The following DDHD1 variants were observed in gnomAD, a reference collection of about 807,000 sequenced individuals.
DDHD1 encodes DDHD domain containing 1.
DDHD1 carries 49 observed loss-of-function variants against 96.4 expected under a neutral mutation model. The ratio of observed to expected loss-of-function variants is 0.51; its 90% confidence interval spans 0.40 to 0.64. The LOEUF is 0.64. Among genes scored for constraint, DDHD1 ranks in the 30% least tolerant of loss-of-function variants. DDHD1 has a pLI of 0.00. For missense variants in DDHD1, 1,106 were observed against 1,161.2 expected (o/e 0.95, Z 0.69); for synonymous variants, 442 against 446.5 (o/e 0.99, Z 0.13).
At chr14:53,098,189 C>T (rs1887030167) in intron 2 of DDHD1, among the ~76,000 whole-genome samples, 2 of 151,854 alleles carry the variant, frequency 1.3e-5, no homozygotes, top group Admixed American at 6.6e-5. Flanking sequence ...AATTCTTACA[C>T]AGTATTAGCA....
intron 6 of DDHD1, among the ~76,000 whole-genome samples, chr14:53,067,320 G>A (rs1177189835): frequency 1.3e-5 from 2 of 151,764 alleles, no homozygotes; most frequent in African/African-American, 2.4e-5. Context: ...CACCATGCCT[G>A]GCTAATTTTT....
chr14:53,061,182 GTTC>G lies in DDHD1; in HGVS notation c.1783_1785del (p.Glu595del), dbSNP rs772636180. 1.7e-4 allele frequency: 276 copies of G among 1,610,940 alleles called. No homozygotes were observed. Among genetic ancestry groups the G allele is most frequent in the Non-Finnish European group, 2.2e-4 (265 of 1,179,124 alleles). On this transcript the variant is annotated inframe_deletion, in exon 8 of 13. Coordinates refer to ENST00000673822, the MANE Select transcript of DDHD1 (RefSeq NM_001160148.2). ...GATGATGCTTTCAATCCGTGAAGCC[GTTC>G]TTCTATTTCCTTCAGCCTAAGAAGG...
chr14:53,103,754 T>C lies in DDHD1; in HGVS notation c.941A>G (p.Asn314Ser), dbSNP rs148836546. ...CTGCATCTGCTGGCCCCTAAAACAA[T>C]TGAGATGTTCTTGCTCAATTAAATT... ...ESNLIEQEHL[N>S]CFRGQQMQEN... Residue 314 changes from asparagine (N) to serine (S), a missense_variant, in exon 2 of 13, where the codon AAT (asparagine) becomes AGT (serine). By Grantham distance (46) the Asn-to-Ser change is conservative. Coordinates refer to ENST00000673822, the MANE Select transcript of DDHD1 (RefSeq NM_001160148.2). 399 of 1,613,768 alleles carry C rather than the reference T, an allele frequency of 2.5e-4. No homozygotes were observed. In the African/African-American group the frequency reaches 2.7e-3, roughly 11 times the overall value.
chr14:53,052,848 G>A (rs1171127348), intron 11 of DDHD1: 1 of 151,762 alleles, frequency 6.6e-6, no homozygotes, highest in Middle Eastern at 3.2e-3. Context: ...GTGTAAGAAT[G>A]ACATAGTATG....
Position 53,073,776 on chromosome 14 carries a change from G to A in DDHD1, c.1361C>T (p.Pro454Leu), listed in dbSNP as rs1288917713. The change falls in exon 5 of 13, where the codon CCT becomes CTT. Residue 454 changes from proline to leucine, a missense_variant. Around this residue, in one of 2 missense-constraint regions of DDHD1, gnomAD observed 650 missense variants for 758.8 expected, o/e 0.86. Transcript: ENST00000673822. ...SNHATHVEFL[P>L]VEWRSKLTLD... Reference sequence around the variant, plus strand: ...AGTAAGTTTTGACCGCCACTCAACAGGCAGAAATTCAACATGTGTTGCATG... The same window carrying A: ...AGTAAGTTTTGACCGCCACTCAACAAGCAGAAATTCAACATGTGTTGCATG... 1.2e-6 allele frequency: 2 copies of A among 1,609,218 alleles called. No homozygotes were observed. The highest frequency in any genetic ancestry group is 8.5e-7 in the Non-Finnish European group (1 of 1,177,066).
intron 1 of DDHD1, among the ~76,000 whole-genome samples, chr14:53,108,671 C>G (rs1031463357): frequency 1.3e-5 from 2 of 152,228 alleles, no homozygotes; most frequent in Non-Finnish European, 2.9e-5. Context: ...AAAGCGAAAC[C>G]ACAGCTATAA....
intron 4 of DDHD1, among the ~76,000 whole-genome samples, chr14:53,075,345 G>C (rs767118972): frequency 6.6e-6 from 1 of 152,090 alleles, no homozygotes; most frequent in Non-Finnish European, 1.5e-5. Context: ...TGTTGATAAG[G>C]AGAAAGTTTT....
intron 1 of DDHD1, among the ~76,000 whole-genome samples, chr14:53,142,024 C>T (rs1232543567): frequency 1.3e-5 from 2 of 152,070 alleles, no homozygotes; most frequent in African/African-American, 4.8e-5. Flanking sequence ...CTGTGCTAAG[C>T]ATTCTGCATA....
intron 1 of DDHD1, among the ~76,000 whole-genome samples, chr14:53,151,240 T>C (rs868590203): frequency 6.6e-6 from 1 of 152,232 alleles, no homozygotes; most frequent in Non-Finnish European, 1.5e-5. Context: ...GAGTGTTGTA[T>C]GGAGGATCTA....
chr14:53,111,464 C>T (rs936666816), intron 1 of DDHD1, among the ~76,000 whole-genome samples: 5 of 152,074 alleles, frequency 3.3e-5, no homozygotes, highest in Non-Finnish European at 7.3e-5. Context: ...AGTTAACGTG[C>T]TTACAGCACA....
At position 53,124,989 on chromosome 14, in the gene DDHD1, G is replaced by A. The variant is rs548992260; in HGVS notation, c.839-21133C>T. Among the ~76,000 whole-genome samples, 231 of 152,184 alleles carry A rather than the reference G, an allele frequency of 1.5e-3. 5 individuals are homozygous for A. The South Asian group carries it at 0.046, about 31-fold the overall frequency. ...CCTCTGCGTGTGTGGGTGTGTGGGTGTGTCTCTCGTGTCTCTGTGTGCCCA... is the reference window on the plus strand; with the variant it reads ...CCTCTGCGTGTGTGGGTGTGTGGGTATGTCTCTCGTGTCTCTGTGTGCCCA... On this transcript the variant is annotated intron_variant, in intron 1 of 12. Coordinates refer to ENST00000673822, the MANE Select transcript of DDHD1 (RefSeq NM_001160148.2).
chr14:53,110,757 T>C (rs1888040727), intron 1 of DDHD1, among the ~76,000 whole-genome samples: 1 of 152,004 alleles, frequency 6.6e-6, no homozygotes, highest in Non-Finnish European at 1.5e-5. Flanking sequence ...GGGCGGATCA[T>C]CTGAGGTCAC....
intron 4 of DDHD1, among the ~76,000 whole-genome samples, chr14:53,089,037 A>C (rs773704346): frequency 3.3e-4 from 50 of 151,592 alleles, no homozygotes; most frequent in Middle Eastern, 3.4e-3. Context: ...ACAGACAGAG[A>C]CAAATCATGA....
intron 6 of DDHD1, among the ~76,000 whole-genome samples, chr14:53,068,432 G>A (rs978960690): frequency 6.6e-6 from 1 of 151,712 alleles, no homozygotes; most frequent in Non-Finnish European, 1.5e-5. Context: ...ATTATTTTTG[G>A]TAGAGACAGG....
chr14:53,153,130 G>C lies in DDHD1; in HGVS notation c.-32C>G. 7.3e-7 allele frequency: 1 copy of C among 1,365,092 alleles called. No individual in the cohort carries two copies. Among genetic ancestry groups the C allele is most frequent in the Non-Finnish European group, 9.4e-7 (1 of 1,068,066 alleles). 84.6% of individuals were successfully genotyped at this position (1,365,092 alleles called of 1,614,324 possible). A position where few individuals can be genotyped will look rare whatever the true frequency, so the allele number is the denominator to read the frequency against. On this transcript the variant is annotated 5_prime_UTR_variant, in exon 1 of 13. Coordinates refer to ENST00000673822, the MANE Select transcript of DDHD1 (RefSeq NM_001160148.2). ...GAGACGCCGCCGGCTGTCCGGCGGC[G>C]CGCGGAGCCGTGACCCCCAGCGCTT...
At chr14:53,085,136 G>A (rs957965237) in intron 4 of DDHD1, among the ~76,000 whole-genome samples, 3 of 152,214 alleles carry the variant, frequency 2.0e-5, no homozygotes, top group Admixed American at 6.5e-5. Context: ...AAACTGGGTG[G>A]AGCCCACTGC....
At chr14:53,091,536 G>C (rs1036568503) in intron 4 of DDHD1, among the ~76,000 whole-genome samples, 3 of 152,096 alleles carry the variant, frequency 2.0e-5, no homozygotes, top group African/African-American at 4.8e-5. Flanking sequence ...TAATGTATTA[G>C]ATTAAAAAAG....
At chr14:53,054,705 A>G in intron 10 of DDHD1, 76 bp from the exon 11 acceptor site, 1 of 1,447,150 alleles carries the variant, frequency 6.9e-7, no homozygotes, top group Admixed American at 1.9e-5. Context: ...ACCCATAATT[A>G]TAGCCAACTG....
intron 1 of DDHD1, among the ~76,000 whole-genome samples, chr14:53,136,787 A>C (rs994828438): frequency 3.9e-5 from 6 of 152,246 alleles, no homozygotes; most frequent in African/African-American, 1.4e-4. Context: ...AGCTCAAAAG[A>C]AAGCCTTGGT....
Sources: allele counts gnomAD v4.1 joint callset (sites outside exome capture counted in the v4.1 genomes callset), GRCh38; gene constraint gnomAD v4.1.1; regional missense constraint gnomAD v4.1.1; transcripts MANE v1.5; gene names NCBI Gene and HGNC (gene_info 2026-07-23, HGNC 2026-07-21).